The following DLGAP4 variants were observed in gnomAD, a reference collection of about 807,000 sequenced individuals.
DLGAP4 encodes the protein disks large-associated protein 4.
DLGAP4 carries 18 observed loss-of-function variants against 86.9 expected under a neutral mutation model. The ratio of observed to expected loss-of-function variants is 0.21; its 90% CI spans 0.14 to 0.31. DLGAP4 has a LOEUF of 0.31. Ranked by LOEUF, DLGAP4 falls within the 10% of genes least tolerant of loss-of-function variation. DLGAP4 has a pLI of 1.00. For synonymous variants in DLGAP4, 548 were observed against 574.3 expected, an observed-to-expected ratio of 0.95 and a Z score of 0.65; for missense variants, 1,085 against 1,362.6, an observed-to-expected ratio of 0.80 and a Z score of 3.21.
chr20:36,323,980 G>A (rs2065193936), intron 1 of DLGAP4, among the ~76,000 whole-genome samples: 1 of 152,196 alleles, frequency 6.6e-6, no homozygotes, highest in African/African-American at 2.4e-5. Flanking sequence ...AGGAATTGGG[G>A]ACCCATGCTT....
At position 36,432,177 on chromosome 20, in the gene DLGAP4, G is replaced by C. The variant is rs773096580; in HGVS notation, c.460G>C (p.Ala154Pro). ...HSVQRLFFTK[A>P]PSLEGTAGKV... ...AGTCCAGCGGCTTTTCTTCACCAAGGCACCCTCACTGGAGGGCACAGCGGG... is the reference window on the plus strand; with the variant it reads ...AGTCCAGCGGCTTTTCTTCACCAAGCCACCCTCACTGGAGGGCACAGCGGG... Residue 154 changes from alanine to proline, a missense_variant, in exon 3 of 13, where the codon GCA becomes CCA. Physicochemically the swap from Ala to Pro is conservative, Grantham distance 27 (BLOSUM62 -1). Around this residue, in one of 2 missense-constraint regions of DLGAP4, gnomAD observed 1,082 missense variants for 1,344.1 expected, o/e 0.81. Transcript: ENST00000339266. The surrounding 1 kb of genome is among the most constrained non-coding windows in gnomAD (Gnocchi z 6.5). 7.4e-6 allele frequency: 12 copies of C among 1,614,068 alleles called. No individual in the cohort carries two copies. Among genetic ancestry groups the C allele is most frequent in the Non-Finnish European group, 1.0e-5 (12 of 1,180,062 alleles).
chr20:36,450,597 A>G lies in DLGAP4; in HGVS notation c.1648+3660A>G, dbSNP rs976699944. 5.9e-5 allele frequency among the ~76,000 whole-genome samples: 9 copies of G among 152,110 alleles called. No homozygotes were observed. The South Asian group carries it at 1.5e-3, about 25-fold the overall frequency. On this transcript the variant is annotated intron_variant, in intron 7 of 12. Transcript: ENST00000339266. Reference sequence around the variant, plus strand: ...TCCCAGGTAGAAAACTTTTATTCCCAAGACCCCCAAAAGTCTCATCCAATC... The same window carrying G: ...TCCCAGGTAGAAAACTTTTATTCCCGAGACCCCCAAAAGTCTCATCCAATC...
At chr20:36,366,384 C>T (rs2030689563) in intron 1 of DLGAP4, among the ~76,000 whole-genome samples, 1 of 152,186 alleles carries the variant, frequency 6.6e-6, no homozygotes, top group Non-Finnish European at 1.5e-5. Context: ...TTTAAAGATC[C>T]AGGCAGGAGC....
At chr20:36,443,306 G>T (rs539342734) in intron 6 of DLGAP4, among the ~76,000 whole-genome samples, 5 of 152,230 alleles carry the variant, frequency 3.3e-5, no homozygotes, top group African/African-American at 1.2e-4. Flanking sequence ...CTGCCCTGAG[G>T]GCACCACCTC....
At chr20:36,481,293 T>C (rs1473499710) in intron 7 of DLGAP4, among the ~76,000 whole-genome samples, 1 of 152,116 alleles carries the variant, frequency 6.6e-6, no homozygotes, top group Non-Finnish European at 1.5e-5. Flanking sequence ...ACCTTCCTTT[T>C]CCCCTCTGAT....
At chr20:36,467,053 T>TCTCG (rs1485606358) in intron 7 of DLGAP4, among the ~76,000 whole-genome samples, 98 of 120,876 alleles carry the variant, frequency 8.1e-4, no homozygotes, top group Non-Finnish European at 1.7e-4. Context: ...TCTCTCTCTC[T>TCTCG]CTCTCTCTCT....
intron 1 of DLGAP4, among the ~76,000 whole-genome samples, chr20:36,356,141 G>C (rs782707477): frequency 3.3e-5 from 5 of 152,256 alleles, no homozygotes; most frequent in African/African-American, 4.8e-5. Context: ...CATTAGCAAA[G>C]CCAGCTTTAG....
Position 36,446,905 on chromosome 20 carries a change from C to G in DLGAP4, c.1616C>G (p.Thr539Ser). ...SLQSLSPPPS[T>S]GSLSNSRTLP... Reference sequence around the variant, plus strand: ...CAGTCCCTCTCCCCACCGCCCAGTACCGGCAGCCTCAGCAATAGTCGCACG... The same window carrying G: ...CAGTCCCTCTCCCCACCGCCCAGTAGCGGCAGCCTCAGCAATAGTCGCACG... The change falls in exon 7 of 13, where the codon ACC becomes AGC. Residue 539 changes from threonine to serine, a missense_variant. Thr to Ser is a moderately conservative substitution (Grantham distance 58). Coordinates refer to ENST00000339266, the MANE Select transcript of DLGAP4 (RefSeq NM_001365621.2). 6.2e-7 allele frequency: 1 copy of G among 1,611,982 alleles called. No homozygotes were observed. The highest frequency in any genetic ancestry group is 8.5e-7 in the Non-Finnish European group (1 of 1,178,824).
At chr20:36,389,668 G>A (rs1157574076) in intron 2 of DLGAP4, among the ~76,000 whole-genome samples, 2 of 151,988 alleles carry the variant, frequency 1.3e-5, no homozygotes, top group Non-Finnish European at 2.9e-5. Flanking sequence ...ATAAATAAGA[G>A]AAAAGGAGAA....
intron 7 of DLGAP4, among the ~76,000 whole-genome samples, chr20:36,494,966 GTTTTTTTTTTTTGTTCGGTTTTTTTTT>G (rs1569518703): frequency 9.2e-6 from 1 of 108,720 alleles, no homozygotes; most frequent in Non-Finnish European, 2.0e-5. Flanking sequence ...TAAAAAAGTG[GTTTTTTTTTTTTGTTCGGTTTTTTTTT>G]TTTTTTTTTT....
chr20:36,400,666 G>A (rs1431071230), intron 2 of DLGAP4, among the ~76,000 whole-genome samples: 1 of 152,094 alleles, frequency 6.6e-6, no homozygotes, highest in African/African-American at 2.4e-5. Context: ...ACTGAGGCTG[G>A]GGGTGGGGAA....
At chr20:36,311,383 C>T (rs1251345025) in intron 1 of DLGAP4, among the ~76,000 whole-genome samples, 2 of 152,104 alleles carry the variant, frequency 1.3e-5, no homozygotes, top group African/African-American at 4.8e-5. Context: ...TTCGCAACGC[C>T]GCCTCCTCCC....
At chr20:36,443,080 A>G (rs1193502293) in intron 6 of DLGAP4, among the ~76,000 whole-genome samples, 2 of 152,312 alleles carry the variant, frequency 1.3e-5, no homozygotes, top group South Asian at 2.1e-4. Context: ...CTCTCCTCCC[A>G]GAAAGCCTGG....
chr20:36,352,129 G>C (rs1486419067), intron 1 of DLGAP4, among the ~76,000 whole-genome samples: 1 of 152,216 alleles, frequency 6.6e-6, no homozygotes, highest in Non-Finnish European at 1.5e-5. Context: ...GAAACAGCAA[G>C]TGCAAAGGGC....
chr20:36,389,820 T>C (rs963416439), intron 2 of DLGAP4, among the ~76,000 whole-genome samples: 4 of 152,164 alleles, frequency 2.6e-5, no homozygotes. Context: ...GGAAAATAAG[T>C]CAATTAATTG....
At chr20:36,390,985 C>T (rs2031765879) in intron 2 of DLGAP4, among the ~76,000 whole-genome samples, 1 of 152,202 alleles carries the variant, frequency 6.6e-6, no homozygotes, top group Non-Finnish European at 1.5e-5. Flanking sequence ...TGAGCCGTGA[C>T]CCTGGCCTCA....
At chr20:36,314,772 G>T (rs2065080332) in intron 1 of DLGAP4, among the ~76,000 whole-genome samples, 2 of 125,502 alleles carry the variant, frequency 1.6e-5, no homozygotes, top group South Asian at 5.8e-4. Context: ...GTGTGGGGTG[G>T]GTGTGTGGTG....
chr20:36,307,289 C>A (rs1191843979), intron 1 of DLGAP4, among the ~76,000 whole-genome samples: 1 of 152,164 alleles, frequency 6.6e-6, no homozygotes, highest in Non-Finnish European at 1.5e-5. Flanking sequence ...ACCAGGTGGC[C>A]GCGGGGACCA....
At chr20:36,327,356 A>C (rs1404617237) in intron 1 of DLGAP4, among the ~76,000 whole-genome samples, 1 of 151,950 alleles carries the variant, frequency 6.6e-6, no homozygotes, top group Non-Finnish European at 1.5e-5. Flanking sequence ...TACCTCCATA[A>C]GGTTTTCTTC....
Sources: gnomAD v4.1 joint callset for allele counts (sites outside exome capture counted in the v4.1 genomes callset) on GRCh38, gnomAD v4.1.1 for gene constraint, gnomAD v4.1.1 regional missense constraint, Gnocchi (gnomAD v3.1) non-coding constraint, MANE v1.5 for transcripts, NCBI Gene and HGNC (gene_info 2026-07-23, HGNC 2026-07-21) for gene names.